Variants in OCA2 observed in about 807,000 individuals in gnomAD.
The protein encoded by OCA2 is OCA2 melanosomal transmembrane protein.
A neutral mutation model predicts 100.2 loss-of-function variants in OCA2; 77 were observed. That is an observed-to-expected ratio of 0.77 (90% CI 0.64 to 0.93). The LOEUF (loss-of-function observed/expected upper bound fraction) is 0.93, where lower values mean the gene tolerates loss of function less well. Among genes scored for constraint, OCA2 ranks in the 40% least tolerant of loss-of-function variants. The probability of loss-of-function intolerance (pLI) is 0.00; values close to 1 mark genes in which losing one functional copy is unlikely to be tolerated. For missense variants in OCA2, 1,062 were observed against 1,089.1 expected, an observed-to-expected ratio of 0.98 and a Z score of 0.35; for synonymous variants, 432 against 439.2, an observed-to-expected ratio of 0.98 and a Z score of 0.21.
chr15:27,795,978 T>C (rs1166156575), intron 23 of OCA2, among the ~76,000 whole-genome samples: 1 of 152,274 alleles, frequency 6.6e-6, no homozygotes, highest in Non-Finnish European at 1.5e-5. Context: ...CAATAGTTGT[T>C]CTCAAGCACA....
In OCA2 at chr15:27,873,153, G is replaced by C. The variant is rs1159443944; in HGVS notation, c.2080-1231C>G. The stretch of plus-strand genomic sequence containing the variant: ...AAGTCATAAGGAGAATCTCTTTAGA[G>C]CAGGGTTTCTCACCCTCGCCCTGCT... On this transcript the variant is annotated intron_variant, in intron 19 of 23. Coordinates refer to ENST00000354638, the MANE Select transcript of OCA2 (RefSeq NM_000275.3). Among the ~76,000 whole-genome samples, 3 of 152,216 alleles carry C rather than the reference G, an allele frequency of 2.0e-5. No individual in the cohort carries two copies. The East Asian group carries it at 5.8e-4, about 29-fold the overall frequency.
intron 22 of OCA2, among the ~76,000 whole-genome samples, chr15:27,849,743 G>A (rs144460350): frequency 4.6e-5 from 7 of 152,298 alleles, no homozygotes; most frequent in South Asian, 2.1e-4. Flanking sequence ...CGGTGGTGAC[G>A]GCTGCGCAAC....
intron 21 of OCA2, among the ~76,000 whole-genome samples, chr15:27,863,161 G>A (rs1425407455): frequency 1.3e-5 from 2 of 152,148 alleles, no homozygotes; most frequent in Admixed American, 6.5e-5. Context: ...CTAGGCAGAT[G>A]GCAGGCACAG....
chr15:27,929,665 T>C (rs2039171766), intron 18 of OCA2, among the ~76,000 whole-genome samples: 1 of 151,836 alleles, frequency 6.6e-6, no homozygotes, highest in African/African-American at 2.4e-5. Context: ...TGAATTCCTG[T>C]TTTTCAAAGG....
chr15:27,773,471 AAT>A (rs1195307582), intron 23 of OCA2, among the ~76,000 whole-genome samples: 2 of 152,250 alleles, frequency 1.3e-5, no homozygotes, highest in Non-Finnish European at 2.9e-5. Flanking sequence ...TATTATTTAC[AAT>A]ATATGTCATT....
At chr15:27,751,531 T>C (rs1189721032), downstream of OCA2, among the ~76,000 whole-genome samples, 1 of 152,176 alleles carries the variant, frequency 6.6e-6, no homozygotes, top group Non-Finnish European at 1.5e-5. Context: ...GAAGGCAGCA[T>C]ATAACATATT....
chr15:27,752,254 C>A (rs534337490), downstream of OCA2, among the ~76,000 whole-genome samples: 2 of 152,192 alleles, frequency 1.3e-5, no homozygotes, highest in Non-Finnish European at 2.9e-5. Context: ...ACTTTATGCA[C>A]GTGATGTCGG....
chr15:27,865,936 C>T (rs2036304573), intron 21 of OCA2, among the ~76,000 whole-genome samples: 1 of 152,180 alleles, frequency 6.6e-6, no homozygotes, highest in Non-Finnish European at 1.5e-5. Flanking sequence ...GTCAAAGGGG[C>T]CCCTCTGTAG....
chr15:27,776,974 T>TGGGGGGGGGGGGGGGGGGGGGGGGG (rs368182175), intron 23 of OCA2, among the ~76,000 whole-genome samples: 1 of 43,170 alleles, frequency 2.3e-5, no homozygotes, highest in Non-Finnish European at 7.2e-5. Flanking sequence ...GAGCGTGAGG[T>TGGGGGGGGGGGGGGGGGGGGGGGGG]GGGGGGGGGT....
chr15:27,994,200 C>G (rs901849618), intron 9 of OCA2, among the ~76,000 whole-genome samples: 1 of 152,168 alleles, frequency 6.6e-6, no homozygotes, highest in African/African-American at 2.4e-5. Flanking sequence ...GCGGCAGCAT[C>G]AGATTCTCAT....
chr15:28,001,929 C>G (rs1037182077), intron 9 of OCA2, among the ~76,000 whole-genome samples: 2 of 152,192 alleles, frequency 1.3e-5, no homozygotes, highest in African/African-American at 2.4e-5. Flanking sequence ...CGACCTGGAG[C>G]CTGGAGAGGC....
chr15:27,918,269 A>C (rs2038738781), intron 19 of OCA2, among the ~76,000 whole-genome samples: 1 of 151,900 alleles, frequency 6.6e-6, no homozygotes, highest in Non-Finnish European at 1.5e-5. Context: ...ACAGGGTTTC[A>C]CCATGTTGGC....
intron 2 of OCA2, among the ~76,000 whole-genome samples, chr15:28,034,912 C>G (rs1163902206): frequency 1.3e-5 from 2 of 152,076 alleles, no homozygotes; most frequent in East Asian, 3.9e-4. Context: ...TGTTTATAGA[C>G]TCAATATCAA....
chr15:27,854,453 A>G (rs1043939856), intron 21 of OCA2, among the ~76,000 whole-genome samples: 15 of 152,350 alleles, frequency 9.8e-5, no homozygotes, highest in African/African-American at 3.4e-4. Flanking sequence ...CATGTTGAAC[A>G]GCTCAATTTT....
chr15:27,867,819 C>T (rs2036384776), intron 21 of OCA2, among the ~76,000 whole-genome samples: 1 of 152,238 alleles, frequency 6.6e-6, no homozygotes, highest in Non-Finnish European at 1.5e-5. Context: ...CTCACAGACA[C>T]TGAGAAAATT....
At chr15:28,095,120 G>A (rs1187516464) in intron 1 of OCA2, among the ~76,000 whole-genome samples, 1 of 152,230 alleles carries the variant, frequency 6.6e-6, no homozygotes, top group East Asian at 1.9e-4. Flanking sequence ...CCCAGGTCCA[G>A]GCAGCCCCGG....
Position 27,968,982 on chromosome 15 carries a change from G to A in OCA2, c.1504-2160C>T, listed in dbSNP as rs1054442993. ...ACTGTTTTAAATTCTTCTAAACTCA[G>A]AGGCAAAAAAAAAAAAAAAGGAACT... On this transcript the variant is annotated intron_variant, in intron 14 of 23. Coordinates refer to ENST00000354638, the MANE Select transcript of OCA2 (RefSeq NM_000275.3). Among the ~76,000 whole-genome samples, 1,006 of 130,906 alleles carry A rather than the reference G, an allele frequency of 7.7e-3. 11 individuals carry two copies. The highest frequency in any genetic ancestry group is 9.8e-3 in the Non-Finnish European group (633 of 64,526). 85.9% of individuals were successfully genotyped at this position (130,906 alleles called of 152,430 possible).
intron 14 of OCA2, among the ~76,000 whole-genome samples, chr15:27,967,658 G>A (rs1164083904): frequency 6.6e-6 from 1 of 152,220 alleles, no homozygotes; most frequent in Non-Finnish European, 1.5e-5. Flanking sequence ...GGCTGGGATC[G>A]CTTAGAGCAT....
chr15:28,069,354 T>TACCCTC (rs1566862179), intron 2 of OCA2, among the ~76,000 whole-genome samples: 2 of 101,002 alleles, frequency 2.0e-5, no homozygotes, highest in African/African-American at 7.9e-5. Flanking sequence ...ATGAAACACC[T>TACCCTC]GCCCTCTCCC....
Sources: allele counts gnomAD v4.1 joint callset (sites outside exome capture counted in the v4.1 genomes callset), GRCh38; gene constraint gnomAD v4.1.1; transcripts MANE v1.5; gene names NCBI Gene and HGNC (gene_info 2026-07-23, HGNC 2026-07-21).